JAM2: variants seen among roughly 807,000 people sequenced by gnomAD.
JAM2 encodes the protein junctional adhesion molecule 2.
In JAM2, 17 loss-of-function variants were observed where a neutral mutation model predicts 42.0. That is an observed-to-expected ratio of 0.40 (90% CI 0.28 to 0.61). The LOEUF (loss-of-function observed/expected upper bound fraction) is 0.61, where lower values mean the gene tolerates loss of function less well. Ranked by LOEUF, JAM2 falls within the 20% of genes least tolerant of loss-of-function variation. The pLI is 0.37. For missense variants in JAM2, 319 were observed against 358.3 expected (o/e 0.89, Z 0.89); for synonymous variants, 118 against 128.6 (o/e 0.92, Z 0.56).
At chr21:25,658,876 C>T (rs2033007797) in intron 1 of JAM2, among the ~76,000 whole-genome samples, 1 of 152,140 alleles carries the variant, frequency 6.6e-6, no homozygotes, top group Admixed American at 6.6e-5. Context: ...ACTTTTAGGA[C>T]TTATTCCAAG....
intron 8 of JAM2, 113 bp downstream of exon 8, chr21:25,709,562 C>A: frequency 1.6e-6 from 1 of 633,462 alleles, no homozygotes; most frequent in Non-Finnish European, 2.8e-6. Flanking sequence ...GGTTTACTCT[C>A]ACAAGAAGTT....
chr21:25,660,715 A>G (rs1211619432), intron 1 of JAM2, among the ~76,000 whole-genome samples: 1 of 143,322 alleles, frequency 7.0e-6, no homozygotes, highest in Non-Finnish European at 1.5e-5. Context: ...CAGTCTTATC[A>G]TATAACTAAA....
In JAM2 at chr21:25,709,500, T is replaced by C. The variant is rs761880102; in HGVS notation, c.821+51T>C. On this transcript the variant is annotated intron_variant, in intron 8 of 9. Coordinates refer to ENST00000480456, the MANE Select transcript of JAM2 (RefSeq NM_021219.4). ...GTCTTTCTCCTATGTCAACTAATTT[T>C]CTATTAATCATCTGTTTAAAGTCAA... 15 of 1,216,686 alleles carry C rather than the reference T, an allele frequency of 1.2e-5. No individual in the cohort carries two copies. In the African/African-American group the frequency reaches 2.2e-4, roughly 18 times the overall value. 75.4% of individuals were successfully genotyped at this position (1,216,686 alleles called of 1,614,324 possible).
chr21:25,670,025 A>C (rs2033319786), intron 1 of JAM2, among the ~76,000 whole-genome samples: 1 of 152,194 alleles, frequency 6.6e-6, no homozygotes, highest in Non-Finnish European at 1.5e-5. Flanking sequence ...ATAATTTCAA[A>C]ACTTTTGGTA....
At position 25,717,436 on chromosome 21, in the gene JAM2, A is replaced by C; in HGVS notation, c.*2764A>C. The C allele has an allele frequency of 2.4e-6, 1 of 414,504 alleles. No homozygotes were observed. The highest frequency in any genetic ancestry group is 4.2e-6 in the Non-Finnish European group (1 of 240,730). The allele number at this position is 414,504 out of a possible 1,614,324, so 25.7% of individuals were successfully genotyped here. ...TATTGTTGCTGTTGTAACTAGATTT[A>C]ATTTATTTTTAGTTGGAGGTTTGAC... is the stretch of plus-strand genomic sequence containing the variant. On this transcript the variant is annotated 3_prime_UTR_variant, in exon 10 of 10. Transcript: ENST00000480456.
intron 4 of JAM2, among the ~76,000 whole-genome samples, chr21:25,695,512 C>CGG (rs2033986533): frequency 6.6e-6 from 1 of 152,130 alleles, no homozygotes; most frequent in Non-Finnish European, 1.5e-5. Context: ...GACGGGGCGG[C>CGG]CGCGGGGCAG....
chr21:25,708,411 A>G (rs1414944054), intron 7 of JAM2, among the ~76,000 whole-genome samples: 2 of 151,960 alleles, frequency 1.3e-5, no homozygotes, highest in East Asian at 3.9e-4. Flanking sequence ...TTTACAAAAA[A>G]TAAAAAATAA....
At chr21:25,661,380 T>C (rs1469158194) in intron 1 of JAM2, among the ~76,000 whole-genome samples, 1 of 152,076 alleles carries the variant, frequency 6.6e-6, no homozygotes, top group Non-Finnish European at 1.5e-5. Context: ...GGAGGATCCC[T>C]TGAGCCCAGA....
At chr21:25,690,129 A>G (rs1175732067) in intron 3 of JAM2, among the ~76,000 whole-genome samples, 156 bp downstream of exon 3, 2 of 152,250 alleles carry the variant, frequency 1.3e-5, no homozygotes, top group Non-Finnish European at 2.9e-5. Context: ...ATAAAACACA[A>G]TAGCCACAAA....
intron 1 of JAM2, among the ~76,000 whole-genome samples, chr21:25,657,657 A>G (rs1406157126): frequency 6.6e-6 from 1 of 152,232 alleles, no homozygotes; most frequent in Non-Finnish European, 1.5e-5. Context: ...TAGTAATCAT[A>G]TGGTTTTAGA....
chr21:25,711,250 G>T, intron 8 of JAM2: 1 of 292,776 alleles, frequency 3.4e-6, no homozygotes, highest in Non-Finnish European at 6.8e-6. Flanking sequence ...CTAGAGTTTG[G>T]GGAAATAACT....
intron 6 of JAM2, among the ~76,000 whole-genome samples, chr21:25,704,696 C>G (rs1272045466): frequency 1.3e-5 from 2 of 152,020 alleles, no homozygotes; most frequent in Non-Finnish European, 2.9e-5. Flanking sequence ...TCATAAAATC[C>G]TCATGGACAA....
chr21:25,714,170 G>A (rs868448327), intron 9 of JAM2: 5 of 1,301,704 alleles, frequency 3.8e-6, no homozygotes, highest in Non-Finnish European at 5.1e-6. Context: ...TGTCTGCTAG[G>A]AGTTAGTTAG....
At chr21:25,671,927 A>G (rs1233909092) in intron 1 of JAM2, among the ~76,000 whole-genome samples, 2 of 152,236 alleles carry the variant, frequency 1.3e-5, no homozygotes, top group Non-Finnish European at 2.9e-5. Context: ...TCTCTGCCAA[A>G]CACATTAAAC....
chr21:25,677,177 C>G (rs747237447), intron 1 of JAM2, among the ~76,000 whole-genome samples: 1 of 151,524 alleles, frequency 6.6e-6, no homozygotes, highest in Non-Finnish European at 1.5e-5. Flanking sequence ...GCACTTGTGC[C>G]CCTTAAATTT....
chr21:25,698,840 C>G lies in JAM2; in HGVS notation c.558C>G (p.Thr186=). The part of the protein sequence containing the change: ...LENPRLGSQS[T]NSSYTMNTKT... ...ATCCCAGACTTGGCTCCCAAAGCAC[C>G]AACAGCTCATACACAATGAATACAA... Residue 186 remains threonine, a synonymous_variant, in exon 5 of 10, where the codon ACC becomes ACG. Coordinates refer to ENST00000480456, the MANE Select transcript of JAM2 (RefSeq NM_021219.4). The G allele has an allele frequency of 6.2e-7, 1 of 1,614,134 alleles. No homozygotes were observed. Among genetic ancestry groups the G allele is most frequent in the Non-Finnish European group, 8.5e-7 (1 of 1,180,034 alleles).
At chr21:25,686,567 G>A (rs2033756208) in intron 2 of JAM2, among the ~76,000 whole-genome samples, 1 of 152,212 alleles carries the variant, frequency 6.6e-6, no homozygotes, top group South Asian at 2.1e-4. Context: ...CCATGATAGT[G>A]CCAAGAGCAG....
At chr21:25,666,708 T>A (rs950542108) in intron 1 of JAM2, among the ~76,000 whole-genome samples, 1 of 151,982 alleles carries the variant, frequency 6.6e-6, no homozygotes, top group African/African-American at 2.4e-5. Context: ...GCTAACTTGT[T>A]TATTTTTTGT....
chr21:25,691,773 T>C (rs577598130), intron 3 of JAM2, among the ~76,000 whole-genome samples: 23 of 152,222 alleles, frequency 1.5e-4, no homozygotes, highest in African/African-American at 5.3e-4. Context: ...CTCATGTCTG[T>C]AATCCCAGCA....
Sources: allele counts gnomAD v4.1 joint callset (sites outside exome capture counted in the v4.1 genomes callset), GRCh38; gene constraint gnomAD v4.1.1; transcripts MANE v1.5; gene names NCBI Gene and HGNC (gene_info 2026-07-23, HGNC 2026-07-21).